Variants in PCDHGA2 observed in about 807,000 individuals in gnomAD.
PCDHGA2 encodes the protein protocadherin gamma-A2.
A neutral mutation model predicts 59.2 loss-of-function variants in PCDHGA2; 40 were observed. The ratio of observed to expected loss-of-function variants is 0.68; its 90% CI spans 0.52 to 0.88. The LOEUF (loss-of-function observed/expected upper bound fraction) is 0.88, where lower values mean the gene tolerates loss of function less well. Ranked by LOEUF, PCDHGA2 falls within the 40% of genes least tolerant of loss-of-function variation. PCDHGA2 has a pLI of 0.00. For synonymous variants in PCDHGA2, 560 were observed against 526.0 expected (o/e 1.06, Z -0.89); for missense variants, 1,226 against 1,204.0 (o/e 1.02, Z -0.27).
rs747671382 is a variant in PCDHGA2 at position 141,444,152 on chromosome 5, A to ATTTTTTTT, written c.2425-50626_2425-50619dup. ...GATATGTGTCACTTGTGTGTACTGG[A>ATTTTTTTT]TTTTTTTTTTTTTTTTTTTTTTTTT... On this transcript the variant is annotated intron_variant, in intron 1 of 3. Transcript: ENST00000394576. Among the ~76,000 whole-genome samples, 8 of 33,898 alleles carry ATTTTTTTT rather than the reference A, an allele frequency of 2.4e-4. 3 individuals are homozygous for ATTTTTTTT. Among genetic ancestry groups the ATTTTTTTT allele is most frequent in the African/African-American group, 5.6e-4 (4 of 7,184 alleles). The allele number at this position is 33,898 out of a possible 152,430, so 22.2% of individuals were successfully genotyped here.
At chr5:141,358,884 G>A (rs961371418) in intron 1 of PCDHGA2, among the ~76,000 whole-genome samples, 5 of 152,090 alleles carry the variant, frequency 3.3e-5, no homozygotes, top group Admixed American at 3.3e-4. Flanking sequence ...TGTGGCTCTG[G>A]GATTATTTTA....
intron 3 of PCDHGA2, among the ~76,000 whole-genome samples, chr5:141,508,528 C>T (rs2099869454): frequency 6.6e-6 from 1 of 152,186 alleles, no homozygotes; most frequent in Admixed American, 6.5e-5. Context: ...AACCTCAGGG[C>T]ACCCCCCACG....
intron 1 of PCDHGA2, among the ~76,000 whole-genome samples, chr5:141,463,762 T>C (rs113547206): frequency 2.0e-5 from 3 of 152,214 alleles, no homozygotes; most frequent in African/African-American, 4.8e-5. Flanking sequence ...TCTTCTCTTA[T>C]GGGTTAGAAT....
At chr5:141,398,963 ATTCCT>A in intron 1 of PCDHGA2, 1 of 1,613,976 alleles carries the variant, frequency 6.2e-7, no homozygotes, top group Non-Finnish European at 8.5e-7. Flanking sequence ...GAAATTACTT[ATTCCT>A]TCTACAGAAC....
Position 141,511,225 on chromosome 5 carries a change from C to A in PCDHGA2, c.*52C>A. ...GGCGGCCTCTCCCCAACCAGCCCAG[C>A]TTCTCCTTACCTGCACCCAGGCCTC... On this transcript the variant is annotated 3_prime_UTR_variant, in exon 4 of 4. Transcript: ENST00000394576. The A allele has an allele frequency of 6.2e-7, 1 of 1,601,624 alleles. No individual in the cohort carries two copies. Among genetic ancestry groups the A allele is most frequent in the Non-Finnish European group, 8.5e-7 (1 of 1,174,162 alleles).
At chr5:141,454,181 G>A (rs1290295830) in intron 1 of PCDHGA2, among the ~76,000 whole-genome samples, 1 of 152,200 alleles carries the variant, frequency 6.6e-6, no homozygotes, top group Non-Finnish European at 1.5e-5. Context: ...GCAGCTAAAG[G>A]AGCTTAGTGA....
rs142329128 is a variant in PCDHGA2, at chr5:141,439,495, C to T, written c.2425-55312C>T. Among the ~76,000 whole-genome samples the T allele has an allele frequency of 9.7e-4, 147 of 152,324 alleles. 1 individual carries two copies. The highest frequency in any genetic ancestry group is 3.4e-3 in the African/African-American group (140 of 41,568). ...TCAGCTTGCAAATTCCAGTGAGAAACGTCTTTCTCTCTGCTCTCAACTAAC... is the reference window on the plus strand; with the variant it reads ...TCAGCTTGCAAATTCCAGTGAGAAATGTCTTTCTCTCTGCTCTCAACTAAC... On this transcript the variant is annotated intron_variant, in intron 1 of 3. Coordinates refer to ENST00000394576, the MANE Select transcript of PCDHGA2 (RefSeq NM_018915.4).
intron 1 of PCDHGA2, chr5:141,433,070 C>T: frequency 6.2e-7 from 1 of 1,614,174 alleles, no homozygotes; most frequent in Non-Finnish European, 8.5e-7. Flanking sequence ...CCTGATCTTC[C>T]CCCAGCCCAA....
At chr5:141,414,435 C>G (rs891322256) in intron 1 of PCDHGA2, 2 of 1,613,678 alleles carry the variant, frequency 1.2e-6, no homozygotes, top group African/African-American at 1.3e-5. Context: ...AACAGGTATC[C>G]TCTTACAATA....
intron 1 of PCDHGA2, among the ~76,000 whole-genome samples, chr5:141,358,290 T>G (rs528714629): frequency 2.0e-5 from 3 of 152,376 alleles, no homozygotes; most frequent in Admixed American, 1.3e-4. Context: ...AAGGCAATTG[T>G]GTAAATTCAC....
At chr5:141,411,227 G>A (rs1276536852) in intron 1 of PCDHGA2, 1 of 152,092 alleles carries the variant, frequency 6.6e-6, no homozygotes, top group Non-Finnish European at 1.5e-5. Context: ...TCAAATTTGC[G>A]AAGACTTAGT....
intron 1 of PCDHGA2, chr5:141,365,394 C>G (rs1245270195): frequency 6.2e-7 from 1 of 1,613,942 alleles, no homozygotes; most frequent in Admixed American, 1.7e-5. Context: ...CTGACCAGTT[C>G]GATCTCTGAA....
At position 141,487,547 on chromosome 5, in the gene PCDHGA2, A is replaced by G. The variant is rs2099649592; in HGVS notation, c.2425-7260A>G. On this transcript the variant is annotated intron_variant, in intron 1 of 3. Coordinates refer to ENST00000394576, the MANE Select transcript of PCDHGA2 (RefSeq NM_018915.4). The surrounding 1 kb of genome is among the most constrained non-coding windows in gnomAD (Gnocchi z 5.0). ...TAGCTTCATGATGGTGAAGTCACCC[A>G]GTGCACCTATGGCAGGGGAGCCTGT... 2 of 1,614,216 alleles carry G rather than the reference A, an allele frequency of 1.2e-6. No individual in the cohort carries two copies. Among genetic ancestry groups the G allele is most frequent in the Non-Finnish European group, 8.5e-7 (1 of 1,180,046 alleles).
intron 1 of PCDHGA2, chr5:141,371,616 G>A: frequency 6.2e-7 from 1 of 1,614,012 alleles, no homozygotes; most frequent in Non-Finnish European, 8.5e-7. Flanking sequence ...GGTGACAGAT[G>A]GAGCCCTGGA....
chr5:141,458,567 TTTTG>T (rs144471304), intron 1 of PCDHGA2, among the ~76,000 whole-genome samples: 42,006 of 151,504 alleles, frequency 0.28, 6,493 homozygotes, highest in African/African-American at 0.43. Context: ...GGTTTTGGGT[TTTTG>T]TTTGTTTGTT....
intron 1 of PCDHGA2, chr5:141,366,994 T>C (rs991537979): frequency 6.5e-6 from 3 of 463,862 alleles, no homozygotes; most frequent in Non-Finnish European, 1.1e-5. Flanking sequence ...TGGTTAAATA[T>C]AATCATTTTA....
intron 1 of PCDHGA2, chr5:141,355,841 C>A (rs1266019965): frequency 1.2e-6 from 2 of 1,612,290 alleles, no homozygotes; most frequent in East Asian, 4.5e-5. Context: ...GTTCTCACGG[C>A]CTTCGATGGA....
intron 1 of PCDHGA2, chr5:141,365,061 C>T (rs1220470558): frequency 8.1e-6 from 13 of 1,613,766 alleles, no homozygotes; most frequent in Non-Finnish European, 1.1e-5. Context: ...CTGTTCACCC[C>T]ATCCGAGTAC....
intron 1 of PCDHGA2, chr5:141,391,218 T>A (rs1486850229): frequency 1.3e-5 from 2 of 152,172 alleles, no homozygotes; most frequent in South Asian, 2.1e-4. Flanking sequence ...AGGAACATTA[T>A]ATGAGCCTTT....
Sources: gnomAD v4.1 joint callset for allele counts (sites outside exome capture counted in the v4.1 genomes callset) on GRCh38, gnomAD v4.1.1 for gene constraint, Gnocchi (gnomAD v3.1) non-coding constraint, MANE v1.5 for transcripts, NCBI Gene and HGNC (gene_info 2026-07-23, HGNC 2026-07-21) for gene names.